Variants in COL26A1 observed in about 807,000 individuals in gnomAD.
COL26A1 encodes the protein collagen alpha-1(XXVI) chain.
In COL26A1, 41 loss-of-function variants were observed where a neutral mutation model predicts 59.3. That is an observed-to-expected ratio of 0.69 (90% CI 0.54 to 0.90). The LOEUF (loss-of-function observed/expected upper bound fraction) is 0.90, where lower values mean the gene tolerates loss of function less well. COL26A1 is among the 40% of genes least tolerant of loss of function. COL26A1 has a pLI of 0.00. For synonymous variants in COL26A1, 266 were observed against 256.0 expected (o/e 1.04, Z -0.37); for missense variants, 612 against 602.3 (o/e 1.02, Z -0.17).
In COL26A1 at chr7:101,544,099, A is replaced by T. The variant is rs1377348500; in HGVS notation, c.703+3A>T. ...GAAGGGTCCAGCGGGGCCGCCTGGTAAGAAAACCCCCCACATATGTGATGT... is the reference window on the plus strand; with the variant it reads ...GAAGGGTCCAGCGGGGCCGCCTGGTTAGAAAACCCCCCACATATGTGATGT... On this transcript the variant is annotated splice_donor_region_variant and intron_variant, in intron 6 of 12. Coordinates refer to ENST00000313669, the MANE Select transcript of COL26A1 (RefSeq NM_001278563.3). 2 of 1,595,308 alleles carry T rather than the reference A, an allele frequency of 1.3e-6. No homozygotes were observed. Among genetic ancestry groups the T allele is most frequent in the Non-Finnish European group, 1.7e-6 (2 of 1,170,844 alleles).
At chr7:101,385,866 G>C (rs1308661858) in intron 1 of COL26A1, among the ~76,000 whole-genome samples, 1 of 151,634 alleles carries the variant, frequency 6.6e-6, no homozygotes, top group African/African-American at 2.4e-5. Flanking sequence ...CACCACGCCC[G>C]GCTAATTTTT....
chr7:101,421,224 G>A (rs1323038668), intron 2 of COL26A1, among the ~76,000 whole-genome samples: 1 of 152,166 alleles, frequency 6.6e-6, no homozygotes, highest in Non-Finnish European at 1.5e-5. Context: ...TGAGACCCAG[G>A]GAGGAGAGCT....
chr7:101,424,726 G>C (rs779390154), intron 2 of COL26A1, among the ~76,000 whole-genome samples: 18 of 152,202 alleles, frequency 1.2e-4, no homozygotes, highest in Non-Finnish European at 2.1e-4. Flanking sequence ...TGTCTGGGCA[G>C]GGAGAGGCAA....
intron 1 of COL26A1, among the ~76,000 whole-genome samples, chr7:101,386,451 C>A: frequency 6.6e-6 from 1 of 151,906 alleles, no homozygotes; most frequent in Non-Finnish European, 1.5e-5. Flanking sequence ...GATAGGGTTT[C>A]ACTCTGTTGC....
intron 4 of COL26A1, among the ~76,000 whole-genome samples, chr7:101,534,893 G>A (rs1235693540): frequency 6.6e-6 from 1 of 152,192 alleles, no homozygotes; most frequent in East Asian, 1.9e-4. Context: ...AGAGCCTCCA[G>A]GGAGATGGCA....
intron 3 of COL26A1, among the ~76,000 whole-genome samples, chr7:101,462,363 C>T (rs958506495): frequency 6.6e-6 from 1 of 151,982 alleles, no homozygotes; most frequent in African/African-American, 2.4e-5. Context: ...GTCATCCAGG[C>T]TGGAGTGCAG....
At chr7:101,468,651 G>C (rs1324139756) in intron 3 of COL26A1, among the ~76,000 whole-genome samples, 2 of 152,230 alleles carry the variant, frequency 1.3e-5, no homozygotes, top group Non-Finnish European at 2.9e-5. Context: ...ATAAGTTATG[G>C]AGATGATGTA....
intron 1 of COL26A1, among the ~76,000 whole-genome samples, chr7:101,382,165 C>T (rs185935848): frequency 2.0e-5 from 3 of 152,292 alleles, no homozygotes; most frequent in Admixed American, 2.0e-4. Flanking sequence ...CCTCCTGCCT[C>T]AGCCTCTTGA....
intron 3 of COL26A1, among the ~76,000 whole-genome samples, chr7:101,472,013 C>CT (rs543633120): frequency 6.6e-6 from 1 of 151,412 alleles, no homozygotes; most frequent in South Asian, 2.1e-4. Context: ...TAAAGCAAAA[C>CT]TTTTTTTTTG....
intron 1 of COL26A1, among the ~76,000 whole-genome samples, chr7:101,365,337 G>A (rs1048042899): frequency 6.6e-6 from 1 of 152,174 alleles, no homozygotes; most frequent in African/African-American, 2.4e-5. Context: ...AACCATTTCA[G>A]CAGTTAATGT....
chr7:101,387,008 G>C (rs1791592835), intron 1 of COL26A1, among the ~76,000 whole-genome samples: 1 of 152,134 alleles, frequency 6.6e-6, no homozygotes, highest in Non-Finnish European at 1.5e-5. Flanking sequence ...CAGAGCCGGG[G>C]TAGGGTTACC....
rs991431620 is a variant in COL26A1, at chr7:101,435,026, G to A, written c.282-12658G>A. ...TAGGGGAAGAGATGCTGGTGAGGAG[G>A]AAAGAGCTCTGTTCAGGGTTGGGCG... is the stretch of plus-strand genomic sequence containing the variant. On this transcript the variant is annotated intron_variant, in intron 2 of 12. Transcript: ENST00000313669. Among the ~76,000 whole-genome samples, 3 of 152,128 alleles carry A rather than the reference G, an allele frequency of 2.0e-5. No individual in the cohort carries two copies. In the East Asian group the frequency reaches 5.8e-4, roughly 29 times the overall value.
intron 4 of COL26A1, among the ~76,000 whole-genome samples, chr7:101,539,349 C>G (rs572634849): frequency 1.3e-5 from 2 of 148,292 alleles, no homozygotes; most frequent in East Asian, 2.0e-4. Flanking sequence ...TTTTTTCTCT[C>G]TCTCTCTTTT....
chr7:101,544,017 A>G lies in COL26A1; in HGVS notation c.624A>G (p.Gly208=). The G allele has an allele frequency of 6.3e-7, 1 of 1,587,756 alleles. No homozygotes were observed. The highest frequency in any genetic ancestry group is 2.3e-5 in the East Asian group (1 of 43,756). ...TGPAGPPGQT[G]PPGPAGPPGS... The stretch of plus-strand genomic sequence containing the variant: ...CCCCAGGGCCCCCGGGGCAGACAGG[A>G]CCACCAGGGCCTGCAGGCCCCCCCG... The change falls in exon 6 of 13, where the codon GGA becomes GGG. Residue 208 remains glycine (G), a synonymous_variant. Coordinates refer to ENST00000313669, the MANE Select transcript of COL26A1 (RefSeq NM_001278563.3).
At chr7:101,372,939 G>A (rs770169056) in intron 1 of COL26A1, among the ~76,000 whole-genome samples, 33 of 152,204 alleles carry the variant, frequency 2.2e-4, no homozygotes, top group Non-Finnish European at 3.4e-4. Context: ...AGGCCGCAGT[G>A]AACTATGATC....
At chr7:101,549,328 A>G (rs1264892743) in intron 9 of COL26A1, 105 bp downstream of exon 9, 1 of 703,010 alleles carries the variant, frequency 1.4e-6, no homozygotes, top group South Asian at 1.8e-5. Context: ...AGAGTCACTC[A>G]GGAAGGAGCC....
At chr7:101,443,104 C>T (rs1793102057) in intron 2 of COL26A1, among the ~76,000 whole-genome samples, 2 of 28,450 alleles carry the variant, frequency 7.0e-5, no homozygotes, top group Non-Finnish European at 1.4e-4. Flanking sequence ...TGTATTTGTA[C>T]TCATCATCGC....
At chr7:101,551,729 G>A (rs1052746336) in intron 10 of COL26A1, among the ~76,000 whole-genome samples, 2 of 147,242 alleles carry the variant, frequency 1.4e-5, no homozygotes, top group Non-Finnish European at 3.0e-5. Context: ...CTGGGTGACA[G>A]AGTGAGACTC....
rs533435528 is a variant in COL26A1, at chr7:101,527,626, G to A, written c.386-5456G>A. 1.6e-4 allele frequency among the ~76,000 whole-genome samples: 25 copies of A among 152,178 alleles called. No homozygotes were observed. In the East Asian group the frequency reaches 4.4e-3, roughly 27 times the overall value. On this transcript the variant is annotated intron_variant, in intron 3 of 12. Coordinates refer to ENST00000313669, the MANE Select transcript of COL26A1 (RefSeq NM_001278563.3). Reference sequence around the variant, plus strand: ...TTGGATTACAGGCGTGAGCCACCACGCCAGCCTGTGTCTTTCACACACACA... The same window carrying A: ...TTGGATTACAGGCGTGAGCCACCACACCAGCCTGTGTCTTTCACACACACA...
Sources: gnomAD v4.1 joint callset for allele counts (sites outside exome capture counted in the v4.1 genomes callset) on GRCh38, gnomAD v4.1.1 for gene constraint, MANE v1.5 for transcripts, NCBI Gene and HGNC (gene_info 2026-07-23, HGNC 2026-07-21) for gene names.